Variants in DLGAP2 observed in about 807,000 individuals in gnomAD.
The protein encoded by DLGAP2 is DLG associated protein 2.
A neutral mutation model predicts 100.3 loss-of-function variants in DLGAP2; 26 were observed. The observed-to-expected ratio is 0.26, with a 90% CI of 0.19 to 0.36. The LOEUF (loss-of-function observed/expected upper bound fraction) is 0.36. Among genes scored for constraint, DLGAP2 ranks in the 10% least tolerant of loss-of-function variants. The pLI is 1.00. For missense variants in DLGAP2, 1,858 were observed against 1,453.2 expected, an observed-to-expected ratio of 1.28 and a Z score of -4.53; for synonymous variants, 886 against 630.1, an observed-to-expected ratio of 1.41 and a Z score of -6.08.
At chr8:817,698 C>T (rs974248994) in intron 1 of DLGAP2, among the ~76,000 whole-genome samples, 3 of 152,200 alleles carry the variant, frequency 2.0e-5, no homozygotes, top group African/African-American at 7.2e-5. Flanking sequence ...AGGTATGTGG[C>T]TTCCTGAGAA....
chr8:1,707,701 A>G lies in DLGAP2; in HGVS notation c.*6295A>G, dbSNP rs1239521702. The G allele has an allele frequency of 6.6e-6, 1 of 152,222 alleles. No homozygotes were observed. Among genetic ancestry groups the G allele is most frequent in the Non-Finnish European group, 1.5e-5 (1 of 68,038 alleles). 9.4% of individuals were successfully genotyped at this position (152,222 alleles called of 1,614,324 possible). On this transcript the variant is annotated 3_prime_UTR_variant, in exon 15 of 15. Coordinates refer to ENST00000637795, the MANE Select transcript of DLGAP2 (RefSeq NM_001346810.2). ...AATACCCAGGTGTGGCCTAAGGACT[A>G]TATTAAATGCCTCCTATAGAAATTC...
chr8:1,546,911 G>A (rs1801558726), intron 4 of DLGAP2, among the ~76,000 whole-genome samples: 1 of 152,166 alleles, frequency 6.6e-6, no homozygotes, highest in Admixed American at 6.5e-5. Context: ...GGACAAACGT[G>A]TGGGGGGATA....
At chr8:1,681,817 C>A (rs544276907) in intron 12 of DLGAP2, among the ~76,000 whole-genome samples, 1 of 152,180 alleles carries the variant, frequency 6.6e-6, no homozygotes, top group Non-Finnish European at 1.5e-5. Context: ...TAAGATCTTG[C>A]CCCAAATCAC....
chr8:775,958 C>A (rs1390001473), intron 1 of DLGAP2, among the ~76,000 whole-genome samples: 1 of 150,372 alleles, frequency 6.7e-6, no homozygotes, highest in Admixed American at 6.6e-5. Context: ...TGGTAGAATT[C>A]GGCTGTGAAT....
At chr8:864,135 C>T (rs1205151548) in intron 1 of DLGAP2, among the ~76,000 whole-genome samples, 1 of 152,142 alleles carries the variant, frequency 6.6e-6, no homozygotes, top group Non-Finnish European at 1.5e-5. Flanking sequence ...CGTGCAGAAT[C>T]TCAGCAGATC....
At chr8:1,071,496 G>A (rs1038938049) in intron 2 of DLGAP2, among the ~76,000 whole-genome samples, 2 of 152,120 alleles carry the variant, frequency 1.3e-5, no homozygotes, top group East Asian at 1.9e-4. Flanking sequence ...GCTCCTGGGC[G>A]TCCCGGTGCC....
intron 2 of DLGAP2, among the ~76,000 whole-genome samples, chr8:1,254,210 C>G (rs1342561542): frequency 6.6e-6 from 1 of 152,182 alleles, no homozygotes; most frequent in Non-Finnish European, 1.5e-5. Flanking sequence ...AAATCAGTGC[C>G]TCCCACAGGC....
intron 1 of DLGAP2, among the ~76,000 whole-genome samples, chr8:805,751 C>G (rs1475535742): frequency 6.6e-6 from 1 of 152,166 alleles, no homozygotes; most frequent in Non-Finnish European, 1.5e-5. Context: ...CTCCTGAGCC[C>G]AAGCAGTCCG....
At chr8:1,111,333 G>C (rs1403261639) in intron 2 of DLGAP2, among the ~76,000 whole-genome samples, 1 of 152,132 alleles carries the variant, frequency 6.6e-6, no homozygotes, top group Non-Finnish European at 1.5e-5. Flanking sequence ...TTTCAGGCCA[G>C]ACTCCCTGGG....
At position 1,164,686 on chromosome 8, in the gene DLGAP2, A is replaced by G. The variant is rs545031849; in HGVS notation, c.74-94165A>G. Among the ~76,000 whole-genome samples, 134 of 152,238 alleles carry G rather than the reference A, an allele frequency of 8.8e-4. 1 individual carries two copies. Among genetic ancestry groups the G allele is most frequent in the Admixed American group, 3.0e-3 (46 of 15,300 alleles). ...CCTGAAATTGAGCTGCATTCTCTGG[A>G]TCTCCATCGTCAGTTCTGTGAAGTT... On this transcript the variant is annotated intron_variant, in intron 2 of 14. Transcript: ENST00000637795.
chr8:1,520,244 C>A (rs1415145136), intron 4 of DLGAP2, among the ~76,000 whole-genome samples: 2 of 152,160 alleles, frequency 1.3e-5, no homozygotes, highest in Non-Finnish European at 2.9e-5. Flanking sequence ...CACCCCGGAG[C>A]TCATGGTTCA....
intron 3 of DLGAP2, among the ~76,000 whole-genome samples, chr8:1,467,181 G>C (rs144085533): frequency 2.6e-3 from 389 of 152,112 alleles, no homozygotes; most frequent in African/African-American, 8.4e-3. Flanking sequence ...GGTCCAGCAG[G>C]GGCCCAGGAG....
chr8:1,447,242 C>A (rs184292471), intron 3 of DLGAP2, among the ~76,000 whole-genome samples: 1 of 152,138 alleles, frequency 6.6e-6, no homozygotes, highest in Non-Finnish European at 1.5e-5. Flanking sequence ...TCATAGATAG[C>A]TCTTATTATT....
chr8:1,410,235 G>A (rs568377971), intron 3 of DLGAP2, among the ~76,000 whole-genome samples: 3 of 152,276 alleles, frequency 2.0e-5, no homozygotes, highest in African/African-American at 7.2e-5. Flanking sequence ...ACTGGCTTCA[G>A]AGCAGAATCT....
At chr8:1,289,425 G>A (rs1262033069) in intron 3 of DLGAP2, among the ~76,000 whole-genome samples, 1 of 152,198 alleles carries the variant, frequency 6.6e-6, no homozygotes, top group Non-Finnish European at 1.5e-5. Context: ...CTACACACAT[G>A]CCCTGTCTAT....
rs375810877 is a variant in DLGAP2 at position 1,705,691 on chromosome 8, C to T, written c.*4285C>T. ...TGGTTCCTGCCTGCTCATTTCCCAG[C>T]CCTCTTCTTCTCAAGCCTGAACTTC... On this transcript the variant is annotated 3_prime_UTR_variant, in exon 15 of 15. Coordinates refer to ENST00000637795, the MANE Select transcript of DLGAP2 (RefSeq NM_001346810.2). The T allele has an allele frequency of 6.6e-6, 1 of 152,214 alleles. No individual in the cohort carries two copies. The highest frequency in any genetic ancestry group is 1.9e-4 in the East Asian group (1 of 5,198). The allele number at this position is 152,214 out of a possible 1,614,324, so 9.4% of individuals were successfully genotyped here.
chr8:1,599,620 A>T (rs1274069240), intron 6 of DLGAP2, among the ~76,000 whole-genome samples: 1 of 152,112 alleles, frequency 6.6e-6, no homozygotes, highest in East Asian at 1.9e-4. Context: ...TCCCTTTACG[A>T]TTATGTGATG....
At chr8:1,254,697 T>G (rs1799131548) in intron 2 of DLGAP2, among the ~76,000 whole-genome samples, 1 of 152,200 alleles carries the variant, frequency 6.6e-6, no homozygotes, top group Non-Finnish European at 1.5e-5. Flanking sequence ...ACCTCCTGCC[T>G]TAGCTCTTCT....
chr8:1,506,820 A>G (rs1799936489), intron 4 of DLGAP2, among the ~76,000 whole-genome samples: 1 of 152,198 alleles, frequency 6.6e-6, no homozygotes, highest in African/African-American at 2.4e-5. Flanking sequence ...ATCTAGACAT[A>G]AAAGTTTTCC....
Sources: allele counts gnomAD v4.1 joint callset (sites outside exome capture counted in the v4.1 genomes callset), GRCh38; gene constraint gnomAD v4.1.1; transcripts MANE v1.5; gene names NCBI Gene and HGNC (gene_info 2026-07-23, HGNC 2026-07-21).